The following CROCC2 variants were observed in gnomAD, a reference collection of about 807,000 sequenced individuals.
The protein encoded by CROCC2 is ciliary rootlet coiled-coil, rootletin family member 2.
A neutral mutation model predicts 177.6 loss-of-function variants in CROCC2; 163 were observed. The ratio of observed to expected loss-of-function variants is 0.92; its 90% CI spans 0.81 to 1.05. The LOEUF (loss-of-function observed/expected upper bound fraction) is 1.05, where lower values mean the gene tolerates loss of function less well. CROCC2 is among the 50% of genes least tolerant of loss of function. CROCC2 has a pLI of 0.00. For missense variants in CROCC2, 1,929 were observed against 1,797.8 expected, an observed-to-expected ratio of 1.07 and a Z score of -1.32; for synonymous variants, 904 against 787.3, an observed-to-expected ratio of 1.15 and a Z score of -2.48.
At chr2:240,945,398 T>C (rs1015808884) in intron 14 of CROCC2, among the ~76,000 whole-genome samples, 1 of 152,224 alleles carries the variant, frequency 6.6e-6, no homozygotes, top group Non-Finnish European at 1.5e-5. Context: ...TACAACTTGA[T>C]GTCTTGTGAT....
intron 14 of CROCC2, among the ~76,000 whole-genome samples, chr2:240,936,482 T>A (rs1328073391): frequency 6.6e-6 from 1 of 152,222 alleles, no homozygotes; most frequent in Non-Finnish European, 1.5e-5. Context: ...CAGCATCATG[T>A]CTTGGAGATC....
chr2:240,990,982 G>A (rs1035426047), intron 30 of CROCC2, among the ~76,000 whole-genome samples: 4 of 152,258 alleles, frequency 2.6e-5, no homozygotes, highest in African/African-American at 7.2e-5. Context: ...TGGGGGATCC[G>A]TGGTGAGAGG....
At chr2:240,940,891 A>C (rs1319178054) in intron 14 of CROCC2, among the ~76,000 whole-genome samples, 1 of 152,170 alleles carries the variant, frequency 6.6e-6, no homozygotes, top group Non-Finnish European at 1.5e-5. Context: ...CAAATCAGTA[A>C]AGAGGAAGTC....
At position 240,968,276 on chromosome 2, in the gene CROCC2, C is replaced by T. The variant is rs753382966; in HGVS notation, c.4401+14C>T. 12 of 1,521,348 alleles carry T rather than the reference C, an allele frequency of 7.9e-6. No homozygotes were observed. Among genetic ancestry groups the T allele is most frequent in the Admixed American group, 4.0e-5 (2 of 49,554 alleles). 94.2% of individuals were successfully genotyped at this position (1,521,348 alleles called of 1,614,324 possible). A position where few individuals can be genotyped will look rare whatever the true frequency, so the allele number is the denominator to read the frequency against. On this transcript the variant is annotated intron_variant, in intron 27 of 31. Transcript: ENST00000690015. ...CGGCGGCTGCAGGTGGGGCAGGCGGCAGGGTGGGTCCCAGGTGGGGCACAA... is the reference window on the plus strand; with the variant it reads ...CGGCGGCTGCAGGTGGGGCAGGCGGTAGGGTGGGTCCCAGGTGGGGCACAA...
At chr2:240,967,307 A>T (rs191402058) in intron 25 of CROCC2, 38 bp from the exon 26 acceptor site, 4 of 637,472 alleles carry the variant, frequency 6.3e-6, no homozygotes, top group Non-Finnish European at 1.2e-5. Context: ...CCACCCGCCC[A>T]TTGGACTGCC....
chr2:240,991,067 C>A, intron 30 of CROCC2, 129 bp from the exon 31 acceptor site: 1 of 598,400 alleles, frequency 1.7e-6, no homozygotes, highest in Non-Finnish European at 2.8e-6. Flanking sequence ...CCATGCATGC[C>A]ACCTCTCCTT....
intron 18 of CROCC2, chr2:240,950,729 A>C: frequency 5.8e-6 from 3 of 514,170 alleles, no homozygotes; most frequent in East Asian, 6.7e-5. Context: ...CCACCCATCC[A>C]CTTGCCCATC....
rs78450856 is a variant in CROCC2, at chr2:240,947,446, C to T, written c.2363+1193C>T. Among the ~76,000 whole-genome samples the T allele has an allele frequency of 3.2e-3, 481 of 152,354 alleles. 12 individuals are homozygous for T. The highest frequency in any genetic ancestry group is 0.028 in the Admixed American group (432 of 15,306). ...ACTGACCCGAGGTCCCTGCACATGG[C>T]AGCCCTGCAGGCCCCAGCATCACAG... is the stretch of plus-strand genomic sequence containing the variant. On this transcript the variant is annotated intron_variant, in intron 15 of 31. Coordinates refer to ENST00000690015, the MANE Select transcript of CROCC2 (RefSeq NM_001351305.2).
intron 1 of CROCC2, among the ~76,000 whole-genome samples, chr2:240,911,255 T>C (rs1258855363): frequency 3.3e-5 from 5 of 151,990 alleles, no homozygotes; most frequent in Non-Finnish European, 7.4e-5. Flanking sequence ...CTAAGCACAT[T>C]CGTAGCGTTG....
chr2:240,959,297 G>C lies in CROCC2; in HGVS notation c.2944-4G>C. ...TGCCACCGTGGGCTCCCTTCTCCCC[G>C]CAGGCCACCATCAGTGCCACGACTG... On this transcript the variant is annotated splice_region_variant and splice_polypyrimidine_tract_variant and intron_variant, in intron 19 of 31. Transcript: ENST00000690015. 3 of 1,549,794 alleles carry C rather than the reference G, an allele frequency of 1.9e-6. No individual in the cohort carries two copies. Among genetic ancestry groups the C allele is most frequent in the Non-Finnish European group, 8.7e-7 (1 of 1,146,686 alleles).
chr2:240,929,760 G>C (rs1338192851), intron 5 of CROCC2: 2 of 468,758 alleles, frequency 4.3e-6, no homozygotes, highest in Non-Finnish European at 8.5e-6. Flanking sequence ...GGCAGGGCAG[G>C]AGCCCTGTGC....
In CROCC2 at chr2:240,991,997, G is replaced by A. The variant is rs78204790; in HGVS notation, c.4946+719G>A. ...TTCAAGTCCCCGTGACTCACTGGCCGCCAGAAGAAGGGGAGTGTAACACTT... is the reference window on the plus strand; with the variant it reads ...TTCAAGTCCCCGTGACTCACTGGCCACCAGAAGAAGGGGAGTGTAACACTT... On this transcript the variant is annotated intron_variant, in intron 31 of 31. Coordinates refer to ENST00000690015, the MANE Select transcript of CROCC2 (RefSeq NM_001351305.2). Among the ~76,000 whole-genome samples, 820 of 152,298 alleles carry A rather than the reference G, an allele frequency of 5.4e-3. 8 individuals carry two copies. The highest frequency in any genetic ancestry group is 0.018 in the African/African-American group (765 of 41,552).
chr2:240,911,678 C>G lies in CROCC2; in HGVS notation c.78+5087C>G, dbSNP rs527547597. Among the ~76,000 whole-genome samples the G allele has an allele frequency of 1.9e-3, 288 of 152,076 alleles. 5 individuals carry two copies. The highest frequency in any genetic ancestry group is 7.7e-4 in the East Asian group (4 of 5,176). ...CATTCCCCCCTCTCCCAGCCCCCACCATCCTACTCTCTGTCTCTATGAACT... is the reference window on the plus strand; with the variant it reads ...CATTCCCCCCTCTCCCAGCCCCCACGATCCTACTCTCTGTCTCTATGAACT... On this transcript the variant is annotated intron_variant, in intron 1 of 31. Coordinates refer to ENST00000690015, the MANE Select transcript of CROCC2 (RefSeq NM_001351305.2).
intron 1 of CROCC2, among the ~76,000 whole-genome samples, chr2:240,912,023 G>C (rs2059291850): frequency 6.6e-6 from 1 of 152,170 alleles, no homozygotes; most frequent in African/African-American, 2.4e-5. Flanking sequence ...GGATGGCTGG[G>C]TCGCGCGGAG....
intron 14 of CROCC2, among the ~76,000 whole-genome samples, chr2:240,940,551 T>C (rs1006395706): frequency 6.6e-6 from 1 of 152,118 alleles, no homozygotes; most frequent in African/African-American, 2.4e-5. Flanking sequence ...CATACATAAG[T>C]CAATAAATAT....
At chr2:240,947,464 C>T (rs777460011) in intron 15 of CROCC2, among the ~76,000 whole-genome samples, 2 of 152,188 alleles carry the variant, frequency 1.3e-5, no homozygotes, top group Non-Finnish European at 2.9e-5. Context: ...CAGGCCCCAG[C>T]ATCACAGGCC....
chr2:240,933,797 C>T lies in CROCC2; in HGVS notation c.1591C>T (p.Arg531Trp), dbSNP rs577450176. ...GAGAAGCCTCCTGCTGCAGGCAGAG[C>T]GGAGGGAGGAGCTGGCTCTGCGGAG... is the stretch of plus-strand genomic sequence containing the variant. The part of the protein sequence containing the change: ...LQRSLLLQAE[R>W]REELALRRER... The change falls in exon 11 of 32, where the codon CGG becomes TGG. Residue 531 changes from arginine to tryptophan, a missense_variant. Coordinates refer to ENST00000690015, the MANE Select transcript of CROCC2 (RefSeq NM_001351305.2). 53 of 1,548,686 alleles carry T rather than the reference C, an allele frequency of 3.4e-5. No individual in the cohort carries two copies. The highest frequency in any genetic ancestry group is 8.2e-5 in the African/African-American group (6 of 72,998).
chr2:240,964,664 C>T, intron 22 of CROCC2, 39 bp downstream of exon 22: 1 of 1,536,530 alleles, frequency 6.5e-7, no homozygotes, highest in South Asian at 1.2e-5. Context: ...AACCAGGCAC[C>T]CTCCCGCCTG....
At chr2:240,976,273 C>A (rs1464595761) in intron 27 of CROCC2, among the ~76,000 whole-genome samples, 1 of 87,330 alleles carries the variant, frequency 1.1e-5, no homozygotes, top group Non-Finnish European at 2.4e-5. Flanking sequence ...ATCCCAGGCT[C>A]ATCCCTGCTC....
Sources: allele counts gnomAD v4.1 joint callset (sites outside exome capture counted in the v4.1 genomes callset), GRCh38; gene constraint gnomAD v4.1.1; transcripts MANE v1.5; gene names NCBI Gene and HGNC (gene_info 2026-07-23, HGNC 2026-07-21).